The following SGCD variants were observed in gnomAD, a reference collection of about 807,000 sequenced individuals.
SGCD encodes the protein delta-sarcoglycan.
Under a neutral mutation model 36.6 loss-of-function variants are expected in SGCD, and 18 were observed. The ratio of observed to expected loss-of-function variants is 0.49; its 90% CI spans 0.34 to 0.73. SGCD has a LOEUF of 0.73. Among genes scored for constraint, SGCD ranks in the 30% least tolerant of loss-of-function variants. The probability of loss-of-function intolerance (pLI) is 0.01; values close to 1 mark genes in which losing one functional copy is unlikely to be tolerated. For synonymous variants in SGCD, 133 were observed against 130.6 expected (o/e 1.02, Z -0.12); for missense variants, 387 against 346.7 (o/e 1.12, Z -0.92).
At chr5:156,407,815 T>C (rs1218083413) in intron 3 of SGCD, among the ~76,000 whole-genome samples, 1 of 152,158 alleles carries the variant, frequency 6.6e-6, no homozygotes, top group Non-Finnish European at 1.5e-5. Flanking sequence ...GCTTACTTAA[T>C]GATTATTGTA....
chr5:156,558,495 T>C (rs1482028693), intron 4 of SGCD, among the ~76,000 whole-genome samples: 1 of 152,138 alleles, frequency 6.6e-6, no homozygotes, highest in African/African-American at 2.4e-5. Context: ...CATGACTATA[T>C]CCTTCATGCA....
chr5:155,975,832 G>A lies in SGCD; in HGVS notation c.-282+105408G>A, dbSNP rs1056893246. On this transcript the variant is annotated intron_variant, in intron 1 of 9. Transcript: ENST00000517913. ...TTTAGTAGAGACGGGGTTTTGCCAT[G>A]TTGCCCAGGCTGGTCTCAAACTCCT... Among the ~76,000 whole-genome samples the A allele has an allele frequency of 4.2e-4, 64 of 151,418 alleles. 1 individual carries two copies. Among genetic ancestry groups the A allele is most frequent in the African/African-American group, 1.5e-3 (63 of 41,214 alleles).
intron 7 of SGCD, among the ~76,000 whole-genome samples, chr5:156,708,868 A>G (rs767500780): frequency 5.3e-5 from 8 of 152,190 alleles, no homozygotes; most frequent in Non-Finnish European, 5.9e-5. Context: ...AAGACAAAGG[A>G]AGACAAAGGA....
chr5:156,715,734 T>G (rs554240825), intron 7 of SGCD, among the ~76,000 whole-genome samples: 1 of 152,280 alleles, frequency 6.6e-6, no homozygotes, highest in South Asian at 2.1e-4. Flanking sequence ...AACTGTGAAG[T>G]ACAGATAAAC....
intron 3 of SGCD, among the ~76,000 whole-genome samples, chr5:156,504,391 T>A (rs1390216531): frequency 3.5e-5 from 1 of 28,652 alleles, no homozygotes; most frequent in Non-Finnish European, 7.5e-5. Flanking sequence ...GGTGTGTGTG[T>A]GTATATATAT....
At chr5:155,761,502 T>A in the SGCD span, among the ~76,000 whole-genome samples, 19 of 146,910 alleles carry the variant, frequency 1.3e-4, no homozygotes, top group Non-Finnish European at 2.4e-4. Context: ...TCCATCATCC[T>A]CTCCATCACC....
intron 6 of SGCD, among the ~76,000 whole-genome samples, chr5:156,615,820 G>A (rs1202678249): frequency 1.3e-5 from 2 of 152,190 alleles, no homozygotes; most frequent in Non-Finnish European, 2.9e-5. Context: ...AAATCCAGCT[G>A]CGGTTGGGTG....
At chr5:156,005,713 G>T (rs1372717211) in intron 1 of SGCD, among the ~76,000 whole-genome samples, 1 of 152,202 alleles carries the variant, frequency 6.6e-6, no homozygotes, top group Non-Finnish European at 1.5e-5. Context: ...GCCTCCCAAA[G>T]TGCTAGGATT....
intron 3 of SGCD, among the ~76,000 whole-genome samples, chr5:156,143,139 C>G (rs1239509458): frequency 6.6e-6 from 1 of 152,230 alleles, no homozygotes; most frequent in East Asian, 1.9e-4. Context: ...CCTACTCCAG[C>G]CTTGGCTCTA....
At chr5:155,760,263 C>T in the SGCD span, among the ~76,000 whole-genome samples, 1 of 142,038 alleles carries the variant, frequency 7.0e-6, no homozygotes, top group African/African-American at 2.6e-5. Context: ...CTCCATCATC[C>T]TCAGCATCAC....
chr5:156,508,419 A>G (rs969681558), intron 3 of SGCD, among the ~76,000 whole-genome samples, 182 bp from the exon 4 acceptor site: 8 of 152,134 alleles, frequency 5.3e-5, no homozygotes, highest in Non-Finnish European at 1.0e-4. Context: ...GAAAAAGATA[A>G]TATGCATAAC....
chr5:155,924,770 G>A (rs1261109352), intron 1 of SGCD, among the ~76,000 whole-genome samples: 2 of 152,078 alleles, frequency 1.3e-5, no homozygotes, highest in Non-Finnish European at 1.5e-5. Context: ...TTCATTATTT[G>A]TTCATTAGTA....
At chr5:155,916,807 G>GTAGT (rs1179852335) in intron 1 of SGCD, among the ~76,000 whole-genome samples, 1 of 152,182 alleles carries the variant, frequency 6.6e-6, no homozygotes, top group African/African-American at 2.4e-5. Flanking sequence ...TTCTTTCAGT[G>GTAGT]TAGTTACTTC....
chr5:155,964,806 C>T (rs1336573760), intron 1 of SGCD, among the ~76,000 whole-genome samples: 2 of 152,112 alleles, frequency 1.3e-5, no homozygotes, highest in Admixed American at 6.6e-5. Context: ...AGAACAAGTG[C>T]ATCTTTGCTG....
At chr5:156,507,691 CTG>C (rs1178198371) in intron 3 of SGCD, among the ~76,000 whole-genome samples, 1 of 152,068 alleles carries the variant, frequency 6.6e-6, no homozygotes, top group Admixed American at 6.5e-5. Context: ...AATCTAAACT[CTG>C]GGAAATTCCA....
chr5:156,416,044 G>A (rs980132258), intron 3 of SGCD, among the ~76,000 whole-genome samples: 1 of 152,096 alleles, frequency 6.6e-6, no homozygotes, highest in Admixed American at 6.6e-5. Context: ...CACAGTTACA[G>A]TGAATTCTCT....
At chr5:156,513,838 A>G (rs930619548) in intron 4 of SGCD, among the ~76,000 whole-genome samples, 2 of 152,242 alleles carry the variant, frequency 1.3e-5, no homozygotes, top group Non-Finnish European at 2.9e-5. Flanking sequence ...AGGACATTCT[A>G]GCTTTCAGCC....
the SGCD span, among the ~76,000 whole-genome samples, chr5:155,740,728 T>TA: frequency 6.6e-6 from 1 of 152,196 alleles, no homozygotes; most frequent in Non-Finnish European, 1.5e-5. Context: ...AAACCTGAAG[T>TA]AAAAAATACA....
In SGCD at chr5:156,447,194, A is replaced by C. The variant is rs145519447; in HGVS notation, c.193-61407A>C. On this transcript the variant is annotated intron_variant, in intron 3 of 8. Coordinates refer to ENST00000337851, the MANE Select transcript of SGCD (RefSeq NM_000337.6). Reference sequence around the variant, plus strand: ...TTAATTTACACTCCTTCTACTTACCATCAAATCATTCCTTAAATCTGAGCT... The same window carrying C: ...TTAATTTACACTCCTTCTACTTACCCTCAAATCATTCCTTAAATCTGAGCT... Among the ~76,000 whole-genome samples the C allele has an allele frequency of 1.4e-4, 21 of 152,302 alleles. No individual in the cohort carries two copies. The East Asian group carries it at 3.9e-3, about 28-fold the overall frequency.
Sources: allele counts gnomAD v4.1 joint callset (sites outside exome capture counted in the v4.1 genomes callset), GRCh38; gene constraint gnomAD v4.1.1; transcripts MANE v1.5; gene names NCBI Gene and HGNC (gene_info 2026-07-23, HGNC 2026-07-21).